Variants in ABCG1 observed in about 807,000 individuals in gnomAD.
ABCG1 encodes ATP-binding cassette sub-family G member 1.
A neutral mutation model predicts 69.2 loss-of-function variants in ABCG1; 29 were observed. The observed-to-expected ratio is 0.42, with a 90% CI of 0.31 to 0.57. ABCG1 has a LOEUF of 0.57. Ranked by LOEUF, ABCG1 falls within the 20% of genes least tolerant of loss-of-function variation. ABCG1 has a pLI of 0.15. For missense variants in ABCG1, 718 were observed against 898.1 expected (o/e 0.80, Z 2.56); for synonymous variants, 370 against 374.8 (o/e 0.99, Z 0.15).
chr21:42,230,862 G>A (rs1404054817), intron 2 of ABCG1, among the ~76,000 whole-genome samples: 1 of 152,214 alleles, frequency 6.6e-6, no homozygotes, highest in Non-Finnish European at 1.5e-5. Context: ...GGAAACCTGT[G>A]ACATGAGGCT....
At chr21:42,225,600 G>A in intron 1 of ABCG1, 71 bp from the exon 2 acceptor site, 2 of 1,571,004 alleles carry the variant, frequency 1.3e-6, no homozygotes, top group South Asian at 1.1e-5. Flanking sequence ...GAGCCTCATG[G>A]TGAATCTCTT....
Position 42,296,627 on chromosome 21 carries a change from T to C in ABCG1, c.*235T>C. On this transcript the variant is annotated 3_prime_UTR_variant, in exon 15 of 15. Transcript: ENST00000398449. This position sits in a 1 kb window ranked among gnomAD's most constrained non-coding sequence, Gnocchi z 5.4. ...GGAAGATGTAGGCAGATTGGTGGTT[T>C]TTTTTTTTTTAACATACAGAATTTT... 3.9e-6 allele frequency: 2 copies of C among 516,872 alleles called. No homozygotes were observed. Among genetic ancestry groups the C allele is most frequent in the African/African-American group, 3.8e-5 (2 of 52,162 alleles). 32.0% of individuals were successfully genotyped at this position (516,872 alleles called of 1,614,324 possible).
chr21:42,206,301 G>C (rs896028546), intron 2 of ABCG1, among the ~76,000 whole-genome samples: 1 of 152,072 alleles, frequency 6.6e-6, no homozygotes, highest in African/African-American at 2.4e-5. Flanking sequence ...AGTGAGCTGA[G>C]ATCATGCCCC....
chr21:42,221,806 G>C (rs1174531865), intron 1 of ABCG1, among the ~76,000 whole-genome samples: 1 of 152,198 alleles, frequency 6.6e-6, no homozygotes, highest in Non-Finnish European at 1.5e-5. Context: ...CTAATGCTAG[G>C]AGAAAAAGTT....
At chr21:42,236,211 C>T (rs894600729) in intron 2 of ABCG1, among the ~76,000 whole-genome samples, 3 of 152,360 alleles carry the variant, frequency 2.0e-5, no homozygotes, top group African/African-American at 7.2e-5. Flanking sequence ...GGAGATCATG[C>T]GGCAAGGTCA....
upstream of ABCG1, chr21:42,219,042 C>G (rs13051078): frequency 4.0e-6 from 1 of 250,600 alleles, no homozygotes. This position sits in a 1 kb window ranked among gnomAD's most constrained non-coding sequence, Gnocchi z 5.3. Context: ...CAAGAGCACG[C>G]GCACCTGCCG....
intron 2 of ABCG1, among the ~76,000 whole-genome samples, chr21:42,264,211 C>T (rs17767083): frequency 0.092 from 14,060 of 152,220 alleles, 809 homozygotes; most frequent in East Asian, 0.16. Context: ...TCATGATCAC[C>T]GGAATTCGGG....
intron 2 of ABCG1, among the ~76,000 whole-genome samples, chr21:42,262,624 A>AGGAG (rs1374617431): frequency 1.3e-5 from 2 of 152,094 alleles, no homozygotes; most frequent in Non-Finnish European, 2.9e-5. Flanking sequence ...CACTCGGAGG[A>AGGAG]GGAGGGAGGG....
At chr21:42,204,143 G>C (rs1199903386) in intron 2 of ABCG1, among the ~76,000 whole-genome samples, 2 of 152,160 alleles carry the variant, frequency 1.3e-5, no homozygotes, top group Non-Finnish European at 2.9e-5. Context: ...GTGCTTTTGT[G>C]GATAGATTGG....
At position 42,273,456 on chromosome 21, in the gene ABCG1, C is replaced by T. The variant is rs554703125; in HGVS notation, c.537+21C>T. The T allele has an allele frequency of 3.7e-5, 59 of 1,595,242 alleles. No homozygotes were observed. Among genetic ancestry groups the T allele is most frequent in the Admixed American group, 2.2e-4 (13 of 59,566 alleles). ...TGATGGTGAGCTCCGCCCTGCCCCG[C>T]CCCACTCCGCCCCTGCCGCCTGTCC... On this transcript the variant is annotated intron_variant, in intron 4 of 14. Transcript: ENST00000398449. This position sits in a 1 kb window ranked among gnomAD's most constrained non-coding sequence, Gnocchi z 5.3.
At chr21:42,237,642 A>G (rs376554101) in intron 2 of ABCG1, among the ~76,000 whole-genome samples, 4 of 152,252 alleles carry the variant, frequency 2.6e-5, no homozygotes, top group Non-Finnish European at 4.4e-5. Flanking sequence ...AAGCTAAATC[A>G]CAGTAGAAGA....
chr21:42,280,639 G>A (rs2068791275), intron 5 of ABCG1, among the ~76,000 whole-genome samples: 1 of 152,222 alleles, frequency 6.6e-6, no homozygotes, highest in Admixed American at 6.5e-5. Flanking sequence ...GAGAAAGTGG[G>A]GTGGGCCCAG....
chr21:42,219,229 CCG>C lies in ABCG1; in HGVS notation c.-32_-31del. Reference sequence around the variant, plus strand: ...CGCAGCTCAAGCCTCGTCCCCGCCGCCGCCGCCGCCGCCGCCGCCGCCGCCCC... The same window carrying C: ...CGCAGCTCAAGCCTCGTCCCCGCCGCCCGCCGCCGCCGCCGCCGCCGCCCC... On this transcript the variant is annotated 5_prime_UTR_variant, in exon 1 of 15. Coordinates refer to ENST00000398449, the MANE Select transcript of ABCG1 (RefSeq NM_016818.3). This position sits in a 1 kb window ranked among gnomAD's most constrained non-coding sequence, Gnocchi z 5.3. The C allele has an allele frequency of 7.3e-7, 1 of 1,375,522 alleles. No homozygotes were observed. Among genetic ancestry groups the C allele is most frequent in the Non-Finnish European group, 9.5e-7 (1 of 1,049,340 alleles). 85.2% of individuals were successfully genotyped at this position (1,375,522 alleles called of 1,614,324 possible). A position where few individuals can be genotyped will look rare whatever the true frequency, so the allele number is the denominator to read the frequency against.
At chr21:42,223,078 C>G (rs62215149) in intron 1 of ABCG1, among the ~76,000 whole-genome samples, 1,919 of 152,318 alleles carry the variant, frequency 0.013, 18 homozygotes, top group Non-Finnish European at 0.021. Context: ...AAGCCCTTCC[C>G]CATGGGGACC....
chr21:42,288,182 A>T lies in ABCG1; in HGVS notation c.1123-29A>T. ...GAGCCGTGGCTCCGGACTGGCTTTC[A>T]CCCGCTCCCCTCTTGCGTGTGTCCT... On this transcript the variant is annotated intron_variant, in intron 9 of 14. Coordinates refer to ENST00000398449, the MANE Select transcript of ABCG1 (RefSeq NM_016818.3). The surrounding 1 kb of genome is among the most constrained non-coding windows in gnomAD (Gnocchi z 4.8). 6.2e-7 allele frequency: 1 copy of T among 1,612,838 alleles called. No homozygotes were observed. The highest frequency in any genetic ancestry group is 1.1e-5 in the South Asian group (1 of 91,048).
chr21:42,219,140 G>C lies in ABCG1; in HGVS notation c.-123G>C, dbSNP rs72542416. ...CCAGAGCCGGAGCCGGATCCCAGCC[G>C]GAGCCCAAGCGCAGCCCGCACCCCG... On this transcript the variant is annotated 5_prime_UTR_variant, in exon 1 of 15. Transcript: ENST00000398449. The surrounding 1 kb of genome is among the most constrained non-coding windows in gnomAD (Gnocchi z 5.3). 3.7e-4 allele frequency: 341 copies of C among 932,612 alleles called. 3 individuals are homozygous for C. The African/African-American group carries it at 5.6e-3, about 15-fold the overall frequency. 57.8% of individuals were successfully genotyped at this position (932,612 alleles called of 1,614,324 possible).
At chr21:42,210,822 C>T (rs995683281) in intron 2 of ABCG1, among the ~76,000 whole-genome samples, 1 of 152,170 alleles carries the variant, frequency 6.6e-6, no homozygotes, top group Non-Finnish European at 1.5e-5. Context: ...AGAAGGGGTC[C>T]TCTCTATAGC....
At chr21:42,222,093 C>T (rs773820416) in intron 1 of ABCG1, among the ~76,000 whole-genome samples, 107 of 152,052 alleles carry the variant, frequency 7.0e-4, no homozygotes, top group Non-Finnish European at 1.2e-3. Flanking sequence ...GTATGTGGCC[C>T]GGTGCGGGGG....
At chr21:42,212,705 A>ATTT (rs35840150), upstream of ABCG1, among the ~76,000 whole-genome samples, 21 of 140,202 alleles carry the variant, frequency 1.5e-4, 1 homozygote, top group African/African-American at 5.2e-4. Flanking sequence ...TTAAAAACAG[A>ATTT]TTTTTTTTTT....
Sources: gnomAD v4.1 joint callset for allele counts (sites outside exome capture counted in the v4.1 genomes callset) on GRCh38, gnomAD v4.1.1 for gene constraint, Gnocchi (gnomAD v3.1) non-coding constraint, MANE v1.5 for transcripts, NCBI Gene and HGNC (gene_info 2026-07-23, HGNC 2026-07-21) for gene names.